Variants in TMEM132B observed in about 807,000 individuals in gnomAD.
The protein encoded by TMEM132B is transmembrane protein 132B.
Under a neutral mutation model 90.8 loss-of-function variants are expected in TMEM132B, and 18 were observed. The ratio of observed to expected loss-of-function variants is 0.20; its 90% CI spans 0.14 to 0.29. The LOEUF is 0.29. Ranked by LOEUF, TMEM132B falls within the 10% of genes least tolerant of loss-of-function variation. The pLI is 1.00. For synonymous variants in TMEM132B, 504 were observed against 523.3 expected (o/e 0.96, Z 0.50); for missense variants, 1,096 against 1,326.8 (o/e 0.83, Z 2.70).
At chr12:125,461,830 C>T (rs903670464) in intron 3 of TMEM132B, among the ~76,000 whole-genome samples, 8 of 152,220 alleles carry the variant, frequency 5.3e-5, no homozygotes, top group Non-Finnish European at 1.0e-4. Flanking sequence ...CTTTGCATCC[C>T]GCTGGTCTCC....
intron 4 of TMEM132B, among the ~76,000 whole-genome samples, chr12:125,521,847 G>A (rs1226109950): frequency 6.6e-6 from 1 of 152,208 alleles, no homozygotes; most frequent in Non-Finnish European, 1.5e-5. Flanking sequence ...TCTGCTGGCT[G>A]AGGCATAAGC....
At chr12:125,482,612 T>A (rs1882078374) in intron 3 of TMEM132B, among the ~76,000 whole-genome samples, 1 of 152,148 alleles carries the variant, frequency 6.6e-6, no homozygotes. Context: ...CTGGAGAGGA[T>A]GTGGAGAAAC....
At chr12:125,467,128 C>T (rs1881583856) in intron 3 of TMEM132B, among the ~76,000 whole-genome samples, 1 of 152,332 alleles carries the variant, frequency 6.6e-6, no homozygotes, top group South Asian at 2.1e-4. Context: ...CCTCTGTCAA[C>T]CACTACCCTC....
intron 5 of TMEM132B, among the ~76,000 whole-genome samples, chr12:125,627,173 A>T (rs1177932017): frequency 1.3e-5 from 2 of 152,098 alleles, no homozygotes; most frequent in East Asian, 3.9e-4. Context: ...CCTCTTCTGA[A>T]ATTACCCATC....
At chr12:125,412,159 G>C (rs970985474) in intron 2 of TMEM132B, among the ~76,000 whole-genome samples, 4 of 152,186 alleles carry the variant, frequency 2.6e-5, no homozygotes, top group African/African-American at 7.2e-5. Context: ...AGCCCCAGTG[G>C]AAGAAGCATC....
chr12:125,190,580 T>G (rs1957793272), intron 1 of TMEM132B, among the ~76,000 whole-genome samples: 1 of 80,224 alleles, frequency 1.2e-5, no homozygotes, highest in South Asian at 5.0e-4. Context: ...AGGGAAGGGG[T>G]GATGATGGTG....
At chr12:125,344,003 A>G (rs1307464704) in intron 1 of TMEM132B, among the ~76,000 whole-genome samples, 1 of 152,234 alleles carries the variant, frequency 6.6e-6, no homozygotes, top group Non-Finnish European at 1.5e-5. Flanking sequence ...TAATTGATGG[A>G]CATTCATTCA....
intron 5 of TMEM132B, among the ~76,000 whole-genome samples, chr12:125,635,852 A>G (rs1886465973): frequency 6.6e-6 from 1 of 152,192 alleles, no homozygotes; most frequent in Non-Finnish European, 1.5e-5. Context: ...CGATCGTTAA[A>G]AAGTTAGGGC....
chr12:125,198,965 C>T (rs987239649), intron 1 of TMEM132B, among the ~76,000 whole-genome samples: 13 of 152,170 alleles, frequency 8.5e-5, no homozygotes, highest in African/African-American at 2.9e-4. Flanking sequence ...TGGTTGAGGA[C>T]GAATACTTGG....
At chr12:125,638,934 T>G (rs1476057308) in intron 5 of TMEM132B, among the ~76,000 whole-genome samples, 1 of 152,202 alleles carries the variant, frequency 6.6e-6, no homozygotes, top group Non-Finnish European at 1.5e-5. Flanking sequence ...CAGGATGACA[T>G]TTACAAGCCA....
intron 3 of TMEM132B, among the ~76,000 whole-genome samples, chr12:125,421,742 G>GT (rs1179617544): frequency 1.3e-5 from 2 of 152,182 alleles, no homozygotes; most frequent in African/African-American, 2.4e-5. Flanking sequence ...CTAATTCATT[G>GT]TTTTTTATGA....
chr12:125,296,085 C>T (rs937608520), intron 1 of TMEM132B, among the ~76,000 whole-genome samples: 9 of 152,334 alleles, frequency 5.9e-5, no homozygotes, highest in Non-Finnish European at 7.3e-5. Flanking sequence ...AGGGAGCCTT[C>T]TGATACCCGA....
At chr12:125,443,789 T>A (rs1880936344) in intron 3 of TMEM132B, among the ~76,000 whole-genome samples, 1 of 151,544 alleles carries the variant, frequency 6.6e-6, no homozygotes, top group African/African-American at 2.4e-5. Context: ...AAGAAAAATG[T>A]TTTTTTTAAA....
chr12:125,315,554 G>T (rs996302301), intron 1 of TMEM132B, among the ~76,000 whole-genome samples: 17 of 152,192 alleles, frequency 1.1e-4, no homozygotes, highest in African/African-American at 3.6e-4. Context: ...CTGAATGCTT[G>T]TATGTATCTT....
chr12:125,526,821 GCTCA>G (rs1171735318), intron 4 of TMEM132B, among the ~76,000 whole-genome samples: 2 of 152,044 alleles, frequency 1.3e-5, no homozygotes, highest in African/African-American at 4.8e-5. Flanking sequence ...GTGGGGAGGT[GCTCA>G]CTCATTCATT....
chr12:125,430,743 C>T (rs1880476060), intron 3 of TMEM132B, among the ~76,000 whole-genome samples: 1 of 152,180 alleles, frequency 6.6e-6, no homozygotes, highest in African/African-American at 2.4e-5. Flanking sequence ...GAAACAAAAC[C>T]AGTGAGTCGG....
rs553724607 is a variant in TMEM132B, at chr12:125,633,505, A to C, written c.1438-10571A>C. On this transcript the variant is annotated intron_variant, in intron 5 of 8. Transcript: ENST00000682704. ...TGTAGATGTTTAAATGTGTCTGGGC[A>C]TTGAAGAGTTAGGTATTTATTATAG... Among the ~76,000 whole-genome samples, 3 of 152,330 alleles carry C rather than the reference A, an allele frequency of 2.0e-5. No homozygotes were observed. In the South Asian group the frequency reaches 6.2e-4, roughly 32 times the overall value.
At chr12:125,287,004 G>A (rs1196621091) in intron 1 of TMEM132B, among the ~76,000 whole-genome samples, 1 of 145,280 alleles carries the variant, frequency 6.9e-6, no homozygotes, top group South Asian at 2.2e-4. Flanking sequence ...GGTCTGGCCA[G>A]AATTCCTCTT....
chr12:125,598,787 A>G (rs1363082633), intron 5 of TMEM132B, among the ~76,000 whole-genome samples: 1 of 151,712 alleles, frequency 6.6e-6, no homozygotes, highest in Non-Finnish European at 1.5e-5. Context: ...GTTAATCATG[A>G]CTCCTGGTTA....
Sources: allele counts gnomAD v4.1 joint callset (sites outside exome capture counted in the v4.1 genomes callset), GRCh38; gene constraint gnomAD v4.1.1; transcripts MANE v1.5; gene names NCBI Gene and HGNC (gene_info 2026-07-23, HGNC 2026-07-21).